The following HOOK1 variants were observed in gnomAD, a reference collection of about 807,000 sequenced individuals.
HOOK1 encodes the protein protein Hook homolog 1.
A neutral mutation model predicts 112.8 loss-of-function variants in HOOK1; 60 were observed. The observed-to-expected ratio is 0.53, with a 90% CI of 0.43 to 0.66. HOOK1 has a LOEUF of 0.66. HOOK1 is among the 30% of genes least tolerant of loss of function. The probability of loss-of-function intolerance (pLI) is 0.00; values close to 1 mark genes in which losing one functional copy is unlikely to be tolerated. For synonymous variants in HOOK1, 294 were observed against 283.8 expected (o/e 1.04, Z -0.36); for missense variants, 770 against 856.0 (o/e 0.90, Z 1.25).
chr1:59,862,361 A>G (rs1402590146), intron 15 of HOOK1, among the ~76,000 whole-genome samples: 1 of 152,300 alleles, frequency 6.6e-6, no homozygotes, highest in Non-Finnish European at 1.5e-5. Context: ...AAATTTAAAA[A>G]AACTTGTGGA....
At chr1:59,864,736 C>CTTTAA in intron 17 of HOOK1, 70 bp downstream of exon 17, 1 of 967,182 alleles carries the variant, frequency 1.0e-6, no homozygotes, top group South Asian at 1.5e-5. Flanking sequence ...AAGTTAATCT[C>CTTTAA]CTTTTCGGAT....
chr1:59,865,626 AAG>A (rs1011205840), intron 18 of HOOK1, among the ~76,000 whole-genome samples: 14 of 152,142 alleles, frequency 9.2e-5, no homozygotes. Flanking sequence ...AAAGGAGAAA[AAG>A]AACTAAATAA....
chr1:59,861,866 A>C (rs905951203), intron 15 of HOOK1, among the ~76,000 whole-genome samples: 1 of 152,240 alleles, frequency 6.6e-6, no homozygotes, highest in African/African-American at 2.4e-5. Flanking sequence ...TGTGTGTATA[A>C]GGTTACATAA....
chr1:59,844,091 C>T (rs1369285238), intron 9 of HOOK1, among the ~76,000 whole-genome samples: 1 of 151,926 alleles, frequency 6.6e-6, no homozygotes, highest in Non-Finnish European at 1.5e-5. Flanking sequence ...GACAGGCACT[C>T]TAATTGTACT....
chr1:59,823,950 TCTCG>T (rs1559043157), intron 2 of HOOK1, among the ~76,000 whole-genome samples: 1 of 152,230 alleles, frequency 6.6e-6, no homozygotes, highest in Non-Finnish European at 1.5e-5. Flanking sequence ...TCTCTTTCTC[TCTCG>T]TTCTCTCTTT....
chr1:59,870,932 A>C (rs1644045875), intron 20 of HOOK1, 110 bp from the exon 21 acceptor site: 2 of 718,344 alleles, frequency 2.8e-6, no homozygotes, highest in East Asian at 5.4e-5. Context: ...GTGCCTCACA[A>C]GTGCAATCTT....
chr1:59,849,660 C>A (rs918106940), intron 12 of HOOK1, among the ~76,000 whole-genome samples: 16 of 151,728 alleles, frequency 1.1e-4, no homozygotes, highest in African/African-American at 3.9e-4. Context: ...ATCCTCTCAG[C>A]CCTACTCTTA....
At chr1:59,845,318 AG>A (rs764083467) in intron 9 of HOOK1, among the ~76,000 whole-genome samples, 6 of 152,022 alleles carry the variant, frequency 3.9e-5, no homozygotes, top group Non-Finnish European at 8.8e-5. Context: ...TGAATTTTAG[AG>A]GAACACAGAC....
intron 12 of HOOK1, among the ~76,000 whole-genome samples, chr1:59,853,965 T>G (rs530569334): frequency 7.7e-6 from 1 of 129,930 alleles, no homozygotes; most frequent in African/African-American, 2.9e-5. Flanking sequence ...TTAAATCAAA[T>G]TGTAGACTAA....
In HOOK1 at chr1:59,854,380, C is replaced by G. The variant is rs545716983; in HGVS notation, c.1243-4048C>G. Among the ~76,000 whole-genome samples the G allele has an allele frequency of 3.9e-5, 6 of 151,976 alleles. No individual in the cohort carries two copies. The East Asian group carries it at 9.7e-4, about 25-fold the overall frequency. ...AATATATTTGTGTATATAGTTACCT[C>G]TGTTGGTGGTGTTTCTTTGGCTAAA... On this transcript the variant is annotated intron_variant, in intron 12 of 21. Transcript: ENST00000371208.
At chr1:59,862,645 A>G in intron 15 of HOOK1, 139 bp from the exon 16 acceptor site, 1 of 579,900 alleles carries the variant, frequency 1.7e-6, no homozygotes, top group Non-Finnish European at 3.2e-6. Context: ...TATTGTACCT[A>G]GGCACAGATA....
intron 16 of HOOK1, 94 bp downstream of exon 16, chr1:59,862,971 C>A: frequency 1.4e-6 from 1 of 720,650 alleles, no homozygotes; most frequent in South Asian, 1.7e-5. Flanking sequence ...GAAAGTACAG[C>A]CCTTATCATT....
At chr1:59,827,205 TG>T (rs1559044620) in intron 2 of HOOK1, among the ~76,000 whole-genome samples, 1 of 152,214 alleles carries the variant, frequency 6.6e-6, no homozygotes, top group Non-Finnish European at 1.5e-5. Context: ...GCTCTTTCTT[TG>T]GGGGAGTTCA....
intron 7 of HOOK1, among the ~76,000 whole-genome samples, chr1:59,838,139 G>C (rs2098398966): frequency 6.6e-6 from 1 of 152,214 alleles, no homozygotes; most frequent in South Asian, 2.1e-4. Context: ...ATTGTGAATA[G>C]TGCTGTAATA....
chr1:59,852,853 G>C (rs2102051852), intron 12 of HOOK1, among the ~76,000 whole-genome samples: 1 of 151,452 alleles, frequency 6.6e-6, no homozygotes, highest in African/African-American at 2.4e-5. Flanking sequence ...TAATTCTTTT[G>C]AATTATTTTC....
At chr1:59,822,011 G>A in intron 2 of HOOK1, 68 bp downstream of exon 2, 1 of 1,268,412 alleles carries the variant, frequency 7.9e-7, no homozygotes, top group African/African-American at 1.5e-5. Context: ...AGAAAACTTG[G>A]ACTTGAATTC....
chr1:59,843,332 C>T, intron 8 of HOOK1, 100 bp from the exon 9 acceptor site: 1 of 758,268 alleles, frequency 1.3e-6, no homozygotes. Flanking sequence ...TATTTAATGG[C>T]TTAGTCAGAT....
chr1:59,871,275 G>C (rs1210259681), intron 21 of HOOK1, among the ~76,000 whole-genome samples, 165 bp downstream of exon 21: 17 of 152,124 alleles, frequency 1.1e-4, no homozygotes, highest in Non-Finnish European at 5.9e-5. Context: ...ATTGCACTCA[G>C]ATATTTTGTC....
Position 59,828,830 on chromosome 1 carries a change from T to C in HOOK1, c.200T>C (p.Val67Ala), listed in dbSNP as rs370589032. ...ESWLSRIKED[V>A]GDNWRIKASN... is the part of the protein sequence containing the mutation. ...TGGTTAAGCCGAATTAAAGAGGATG[T>C]TGGGGACAACTGGAGAATAAAGGTA... Residue 67 changes from valine (V) to alanine (A), a missense_variant, in exon 3 of 22, where the codon GTT becomes GCT. Val to Ala is a moderately conservative substitution (Grantham distance 64). This residue lies in a region of HOOK1 where 655 missense variants were observed against 725.9 expected (regional missense o/e 0.90). Coordinates refer to ENST00000371208, the MANE Select transcript of HOOK1 (RefSeq NM_015888.6). The C allele has an allele frequency of 3.1e-6, 5 of 1,613,290 alleles. No homozygotes were observed. The highest frequency in any genetic ancestry group is 2.2e-5 in the East Asian group (1 of 44,822).
Sources: gnomAD v4.1 joint callset for allele counts (sites outside exome capture counted in the v4.1 genomes callset) on GRCh38, gnomAD v4.1.1 for gene constraint, gnomAD v4.1.1 regional missense constraint, MANE v1.5 for transcripts, NCBI Gene and HGNC (gene_info 2026-07-23, HGNC 2026-07-21) for gene names.